Variants in DTNB observed in about 807,000 individuals in gnomAD.
The protein encoded by DTNB is DTN-B.
In DTNB, 63 loss-of-function variants were observed where a neutral mutation model predicts 90.7. The observed-to-expected ratio is 0.69, with a 90% CI of 0.57 to 0.86. DTNB has a LOEUF of 0.86. Ranked by LOEUF, DTNB falls within the 40% of genes least tolerant of loss-of-function variation. The pLI is 0.00. For missense variants in DTNB, 744 were observed against 807.1 expected (o/e 0.92, Z 0.95); for synonymous variants, 277 against 286.7 (o/e 0.97, Z 0.34).
intron 2 of DTNB, among the ~76,000 whole-genome samples, chr2:25,648,993 C>CCT (rs2080166082): frequency 3.2e-5 from 3 of 93,988 alleles, no homozygotes; most frequent in African/African-American, 8.6e-5. Context: ...TCCTTCCTAC[C>CCT]TTTTTTTTTT....
intron 2 of DTNB, among the ~76,000 whole-genome samples, chr2:25,640,937 C>A (rs776994779): frequency 1.1e-4 from 17 of 152,020 alleles, no homozygotes; most frequent in Non-Finnish European, 2.2e-4. Flanking sequence ...ACCCGGGAGG[C>A]GGAGCTTGCA....
chr2:25,526,395 A>ATATATATTTT, intron 9 of DTNB, among the ~76,000 whole-genome samples: 778 of 49,760 alleles, frequency 0.016, 34 homozygotes, highest in African/African-American at 0.046. Flanking sequence ...ATATATATAT[A>ATATATATTTT]TTTTTTTTTT....
intron 3 of DTNB, among the ~76,000 whole-genome samples, chr2:25,633,003 C>G (rs1404516840): frequency 6.6e-6 from 1 of 152,146 alleles, no homozygotes; most frequent in African/African-American, 2.4e-5. Context: ...GTAACTGAAA[C>G]TGTCATTATT....
At chr2:25,413,657 G>A (rs142439400) in intron 16 of DTNB, among the ~76,000 whole-genome samples, 2 of 152,028 alleles carry the variant, frequency 1.3e-5, no homozygotes, top group African/African-American at 2.4e-5. Flanking sequence ...TCTTAATCCA[G>A]TCTATCATTG....
chr2:25,465,941 A>G (rs976327108), intron 10 of DTNB, among the ~76,000 whole-genome samples: 5 of 152,228 alleles, frequency 3.3e-5, no homozygotes, highest in African/African-American at 1.2e-4. Flanking sequence ...CTAAATCACC[A>G]GGCACCTCCT....
chr2:25,602,138 A>G (rs536369440), intron 5 of DTNB, among the ~76,000 whole-genome samples: 2 of 152,222 alleles, frequency 1.3e-5, no homozygotes, highest in East Asian at 3.9e-4. Flanking sequence ...AAAAGAAAAA[A>G]GAAAAAAAAA....
chr2:25,382,519 C>CTTTT lies in DTNB; in HGVS notation c.1879+1313_1879+1316dup, dbSNP rs3041261. Among the ~76,000 whole-genome samples, 497 of 72,050 alleles carry CTTTT rather than the reference C, an allele frequency of 6.9e-3. 71 individuals carry two copies. Among genetic ancestry groups the CTTTT allele is most frequent in the South Asian group, 0.011 (15 of 1,374 alleles). The allele number at this position is 72,050 out of a possible 152,430, so 47.3% of individuals were successfully genotyped here. On this transcript the variant is annotated intron_variant, in intron 19 of 20. Transcript: ENST00000406818. ...GAGTCAGAAAGACCCAGTTCTCTGC[C>CTTTT]TTTTTTTTTTTTTTTTTTTTTTTTT... is the stretch of plus-strand genomic sequence containing the variant.
intron 12 of DTNB, among the ~76,000 whole-genome samples, chr2:25,442,457 T>C (rs1468219275): frequency 6.6e-6 from 1 of 152,230 alleles, no homozygotes; most frequent in Admixed American, 6.5e-5. Context: ...TGTCTGGAAC[T>C]GGGCTTAGGC....
chr2:25,522,796 G>A lies in DTNB; in HGVS notation c.1001+8677C>T, dbSNP rs373893644. ...GCTCGCTGCAACCTCTACCTCCTGG[G>A]TTCAAGCAATTCTCCTGCCTCAGCC... On this transcript the variant is annotated intron_variant, in intron 9 of 20. Coordinates refer to ENST00000406818, the MANE Select transcript of DTNB (RefSeq NM_021907.5). Among the ~76,000 whole-genome samples, 23 of 151,380 alleles carry A rather than the reference G, an allele frequency of 1.5e-4. 1 individual carries two copies. Among genetic ancestry groups the A allele is most frequent in the African/African-American group, 5.3e-4 (22 of 41,178 alleles).
chr2:25,513,497 C>T (rs560322778), intron 9 of DTNB, among the ~76,000 whole-genome samples: 5 of 152,006 alleles, frequency 3.3e-5, no homozygotes, highest in African/African-American at 9.7e-5. Flanking sequence ...CCGAGGCAGG[C>T]GATCACTTGG....
intron 1 of DTNB, among the ~76,000 whole-genome samples, chr2:25,653,764 A>G (rs1219008426): frequency 6.6e-6 from 1 of 151,940 alleles, no homozygotes; most frequent in Non-Finnish European, 1.5e-5. Flanking sequence ...TGCCTGCCTC[A>G]GCCTCCCAAA....
rs60714399 is a variant in DTNB, at chr2:25,556,170, C to CTTTT, written c.876+20664_876+20667dup. On this transcript the variant is annotated intron_variant, in intron 8 of 20. Transcript: ENST00000406818. ...ATGTTTTGGTGTTTTGGCCATCTCT[C>CTTTT]TTTTTTTTTTTTTTTTTTTTTGCCA... Among the ~76,000 whole-genome samples, 179 of 105,532 alleles carry CTTTT rather than the reference C, an allele frequency of 1.7e-3. 9 individuals carry two copies. The highest frequency in any genetic ancestry group is 3.5e-3 in the East Asian group (11 of 3,166). The allele number at this position is 105,532 out of a possible 152,430, so 69.2% of individuals were successfully genotyped here. A position where few individuals can be genotyped will look rare whatever the true frequency, so the allele number is the denominator to read the frequency against.
rs530560505 is a variant in DTNB at position 25,540,768 on chromosome 2, A to G, written c.877-9171T>C. Among the ~76,000 whole-genome samples, 652 of 152,240 alleles carry G rather than the reference A, an allele frequency of 4.3e-3. 4 individuals carry two copies. Among genetic ancestry groups the G allele is most frequent in the African/African-American group, 0.015 (608 of 41,526 alleles). On this transcript the variant is annotated intron_variant, in intron 8 of 20. Coordinates refer to ENST00000406818, the MANE Select transcript of DTNB (RefSeq NM_021907.5). The stretch of plus-strand genomic sequence containing the variant: ...CCCAACCCTGTGCTCTCTGAAACAT[A>G]TGCTGTGTCCACTCAGGGTTAAATG...
At chr2:25,589,968 C>T (rs990642810) in intron 6 of DTNB, among the ~76,000 whole-genome samples, 1 of 152,230 alleles carries the variant, frequency 6.6e-6, no homozygotes, top group Non-Finnish European at 1.5e-5. Context: ...CCACTATGCA[C>T]AGCCAGGCAT....
At chr2:25,437,448 G>T (rs914174941) in intron 12 of DTNB, among the ~76,000 whole-genome samples, 6 of 151,984 alleles carry the variant, frequency 3.9e-5, no homozygotes, top group Non-Finnish European at 8.8e-5. Context: ...TTTAAGTAGG[G>T]ACAGGGTTTC....
At chr2:25,562,710 T>C (rs777560254) in intron 8 of DTNB, among the ~76,000 whole-genome samples, 12 of 152,228 alleles carry the variant, frequency 7.9e-5, no homozygotes, top group Non-Finnish European at 1.3e-4. Flanking sequence ...ATCTCAACCA[T>C]TGGTATATCT....
intron 16 of DTNB, among the ~76,000 whole-genome samples, chr2:25,408,554 A>AT (rs2045855017): frequency 1.3e-5 from 2 of 148,432 alleles, no homozygotes; most frequent in African/African-American, 5.2e-5. Flanking sequence ...AAAAAAAAAA[A>AT]AAAAAAAAAG....
Position 25,458,507 on chromosome 2 carries a change from C to T in DTNB, c.1080-3013G>A, listed in dbSNP as rs142688332. The stretch of plus-strand genomic sequence containing the variant: ...TTTTTTAGGCAGGGTCTTGCTCTGT[C>T]ACCCAGGCTGGAGTGCCATGGTGCA... On this transcript the variant is annotated intron_variant, in intron 10 of 20. Transcript: ENST00000406818. Among the ~76,000 whole-genome samples, 1,025 of 152,024 alleles carry T rather than the reference C, an allele frequency of 6.7e-3. 16 individuals are homozygous for T. The highest frequency in any genetic ancestry group is 0.024 in the African/African-American group (979 of 41,488).
At position 25,393,641 on chromosome 2, in the gene DTNB, AAAAATAAAAT is replaced by A. The variant is rs1239424919; in HGVS notation, c.1576-5290_1576-5281del. ...CTCAACCCCTTTCAGAATACCTGCA[AAAAATAAAAT>A]AAAATAAAATAAAATACTTAGGAAT... On this transcript the variant is annotated intron_variant, in intron 16 of 20. Transcript: ENST00000406818. Among the ~76,000 whole-genome samples the A allele has an allele frequency of 9.9e-5, 15 of 152,210 alleles. No individual in the cohort carries two copies. In the South Asian group the frequency reaches 1.0e-3, roughly 11 times the overall value.
Sources: allele counts gnomAD v4.1 joint callset (sites outside exome capture counted in the v4.1 genomes callset), GRCh38; gene constraint gnomAD v4.1.1; transcripts MANE v1.5; gene names NCBI Gene and HGNC (gene_info 2026-07-23, HGNC 2026-07-21).